Variants in WDR64 observed in about 807,000 individuals in gnomAD.
The protein encoded by WDR64 is WD repeat domain 64.
A neutral mutation model predicts 139.3 loss-of-function variants in WDR64; 112 were observed. That is an observed-to-expected ratio of 0.80 (90% CI 0.69 to 0.94). The LOEUF (loss-of-function observed/expected upper bound fraction) is 0.94. Ranked by LOEUF, WDR64 falls within the 40% of genes least tolerant of loss-of-function variation. The pLI is 0.00. For synonymous variants in WDR64, 444 were observed against 437.7 expected (o/e 1.01, Z -0.18); for missense variants, 1,206 against 1,293.1 (o/e 0.93, Z 1.03).
intron 8 of WDR64, among the ~76,000 whole-genome samples, chr1:241,711,540 C>CA (rs573775140): frequency 3.7e-4 from 57 of 152,264 alleles, no homozygotes; most frequent in African/African-American, 1.3e-3. Flanking sequence ...TCACCACAAG[C>CA]AAAACCACAA....
At chr1:241,747,062 A>G (rs1234966427) in intron 13 of WDR64, among the ~76,000 whole-genome samples, 1 of 152,222 alleles carries the variant, frequency 6.6e-6, no homozygotes, top group African/African-American at 2.4e-5. Context: ...CACCCAGCCA[A>G]TAACATTCTT....
chr1:241,739,056 C>G (rs1669434883), intron 11 of WDR64, among the ~76,000 whole-genome samples: 1 of 152,176 alleles, frequency 6.6e-6, no homozygotes, highest in Admixed American at 6.5e-5. Flanking sequence ...CGAGTCACTA[C>G]TCAGTAGGAA....
intron 9 of WDR64, among the ~76,000 whole-genome samples, chr1:241,718,161 T>C (rs1668471982): frequency 1.3e-5 from 2 of 152,170 alleles, no homozygotes; most frequent in Admixed American, 1.3e-4. Context: ...AGCAAACATG[T>C]ATTAAGCACT....
At chr1:241,720,486 A>T (rs937015663) in intron 9 of WDR64, among the ~76,000 whole-genome samples, 1 of 152,090 alleles carries the variant, frequency 6.6e-6, no homozygotes, top group Non-Finnish European at 1.5e-5. Context: ...ACTTTTTAAT[A>T]ATCACCATTC....
chr1:241,672,975 C>G (rs1455366368), intron 3 of WDR64, among the ~76,000 whole-genome samples: 1 of 152,226 alleles, frequency 6.6e-6, no homozygotes, highest in South Asian at 2.1e-4. Context: ...CCTGAGTTAT[C>G]CTTTATATTC....
At chr1:241,728,184 T>C (rs1668923250) in intron 10 of WDR64, among the ~76,000 whole-genome samples, 1 of 149,426 alleles carries the variant, frequency 6.7e-6, no homozygotes, top group Non-Finnish European at 1.5e-5. Flanking sequence ...ACTACAAAAA[T>C]TAGCCTGGCA....
In WDR64 at chr1:241,723,468, G is replaced by T. The variant is rs556405274; in HGVS notation, c.1194+32G>T. On this transcript the variant is annotated intron_variant, in intron 10 of 27. Coordinates refer to ENST00000437684, the MANE Select transcript of WDR64 (RefSeq NM_001367482.1). ...AAAAGAAAATAACAAAACAAAACTA[G>T]TTTTTTCCGGAAAATTATCTGTTGG... is the stretch of plus-strand genomic sequence containing the variant. 80 of 1,604,662 alleles carry T rather than the reference G, an allele frequency of 5.0e-5. 1 individual carries two copies. The South Asian group carries it at 7.7e-4, about 15-fold the overall frequency.
intron 11 of WDR64, among the ~76,000 whole-genome samples, chr1:241,739,111 A>G (rs975259380): frequency 6.6e-6 from 1 of 152,186 alleles, no homozygotes; most frequent in Non-Finnish European, 1.5e-5. Flanking sequence ...ACGAAGACCA[A>G]TGGAGAGTGA....
intron 8 of WDR64, among the ~76,000 whole-genome samples, chr1:241,705,269 G>C (rs147838089): frequency 3.2e-4 from 49 of 152,074 alleles, no homozygotes; most frequent in South Asian, 6.2e-4. Flanking sequence ...TGGCCGGGCG[G>C]GGTGGCTCAC....
intron 13 of WDR64, 30 bp from the exon 14 acceptor site, chr1:241,749,517 C>G: frequency 6.3e-7 from 1 of 1,589,236 alleles, no homozygotes; most frequent in Non-Finnish European, 8.6e-7. Context: ...GTCATTTTTA[C>G]CCACATAGTC....
At chr1:241,713,481 G>C (rs1668273134) in intron 9 of WDR64, among the ~76,000 whole-genome samples, 2 of 121,230 alleles carry the variant, frequency 1.6e-5, no homozygotes, top group Admixed American at 9.9e-5. Flanking sequence ...GAAAGGAAGG[G>C]AAAGAAAGAA....
intron 18 of WDR64, among the ~76,000 whole-genome samples, chr1:241,771,368 T>C (rs1213272236): frequency 6.6e-6 from 1 of 152,176 alleles, no homozygotes; most frequent in African/African-American, 2.4e-5. Flanking sequence ...TGCATGGTTG[T>C]GAATACAATT....
chr1:241,723,209 A>T, intron 9 of WDR64, 88 bp from the exon 10 acceptor site: 3 of 1,496,516 alleles, frequency 2.0e-6, no homozygotes, highest in Admixed American at 3.9e-5. Context: ...CTGTTCGAAG[A>T]AAGATACGGG....
intron 5 of WDR64, 78 bp downstream of exon 5, chr1:241,678,294 T>C (rs1019256160): frequency 7.5e-6 from 3 of 398,224 alleles, no homozygotes; most frequent in African/African-American, 4.1e-5. Context: ...AATTAAAATC[T>C]CAATGAAGTA....
chr1:241,731,739 G>A (rs1284985876), intron 10 of WDR64, among the ~76,000 whole-genome samples: 1 of 152,090 alleles, frequency 6.6e-6, no homozygotes, highest in Admixed American at 6.5e-5. Flanking sequence ...AAGACATGCT[G>A]GATGTCTTCA....
At chr1:241,655,192 T>A (rs12063498) in intron 1 of WDR64, among the ~76,000 whole-genome samples, 2 of 151,950 alleles carry the variant, frequency 1.3e-5, no homozygotes, top group Non-Finnish European at 2.9e-5. Flanking sequence ...AGACCAGCCT[T>A]GCCAACATGA....
At position 241,795,245 on chromosome 1, in the gene WDR64, CAG is replaced by C. The variant is rs749220775; in HGVS notation, c.3041_3042del (p.Glu1014GlyfsTer18). 5.7e-5 allele frequency: 92 copies of C among 1,613,724 alleles called. No homozygotes were observed. The highest frequency in any genetic ancestry group is 1.4e-5 in the Non-Finnish European group (16 of 1,179,898). On this transcript the variant is annotated frameshift_variant, in exon 26 of 28. Transcript: ENST00000437684. LOFTEE classifies it high-confidence loss of function. ...YPLEGFVTEN[R>X]EAGIVFGSLP... ...CCTTGGAAGGTTTCGTGACTGAAAA[CAG>C]AGAGGCAGGGATTGTTTTCGGCTCT...
intron 11 of WDR64, among the ~76,000 whole-genome samples, chr1:241,740,046 C>A (rs1669475257): frequency 6.6e-6 from 1 of 152,140 alleles, no homozygotes; most frequent in African/African-American, 2.4e-5. Flanking sequence ...TCTGCACAGC[C>A]ACCATATGAG....
At chr1:241,658,443 C>G (rs1181311818) in intron 1 of WDR64, among the ~76,000 whole-genome samples, 2 of 151,842 alleles carry the variant, frequency 1.3e-5, no homozygotes, top group African/African-American at 4.8e-5. Flanking sequence ...CTGAGACCAG[C>G]CTGGGCTGTA....
Sources: gnomAD v4.1 joint callset for allele counts (sites outside exome capture counted in the v4.1 genomes callset) on GRCh38, gnomAD v4.1.1 for gene constraint, MANE v1.5 for transcripts, NCBI Gene and HGNC (gene_info 2026-07-23, HGNC 2026-07-21) for gene names.